Variants in ANGEL2 observed in about 807,000 individuals in gnomAD.
ANGEL2 encodes angel homolog 2.
Under a neutral mutation model 66.0 loss-of-function variants are expected in ANGEL2, and 41 were observed. The ratio of observed to expected loss-of-function variants is 0.62; its 90% CI spans 0.48 to 0.81. The LOEUF (loss-of-function observed/expected upper bound fraction) is 0.81, where lower values mean the gene tolerates loss of function less well. Ranked by LOEUF, ANGEL2 falls within the 30% of genes least tolerant of loss-of-function variation. The pLI, the probability that ANGEL2 is intolerant of heterozygous loss-of-function variation, is 0.00. For synonymous variants in ANGEL2, 208 were observed against 226.5 expected (o/e 0.92, Z 0.73); for missense variants, 561 against 641.6 (o/e 0.87, Z 1.36).
At position 213,007,282 on chromosome 1, in the gene ANGEL2, G is replaced by C. The variant is rs745916955; in HGVS notation, c.643-84C>G. On this transcript the variant is annotated intron_variant, in intron 3 of 8. Transcript: ENST00000366962. ...TGCTTTTATCTTAAAATATCTAAAAGCAGGCTTCTAAAATTCCACACCTGA... is the reference window on the plus strand; with the variant it reads ...TGCTTTTATCTTAAAATATCTAAAACCAGGCTTCTAAAATTCCACACCTGA... 5.6e-5 allele frequency: 62 copies of C among 1,114,054 alleles called. No individual in the cohort carries two copies. In the Middle Eastern group the frequency reaches 8.2e-4, roughly 15 times the overall value. 69.0% of individuals were successfully genotyped at this position (1,114,054 alleles called of 1,614,324 possible). A position where few individuals can be genotyped will look rare whatever the true frequency, so the allele number is the denominator to read the frequency against.
chr1:213,015,501 T>G (rs1376867006), intron 1 of ANGEL2, 112 bp downstream of exon 1: 1 of 1,508,470 alleles, frequency 6.6e-7, no homozygotes, highest in African/African-American at 1.4e-5. Context: ...CTCTTCCTCT[T>G]CCTTCCACCC....
In ANGEL2 at chr1:213,013,359, T is replaced by C. The variant is rs1167316311; in HGVS notation, c.119A>G (p.Glu40Gly). ...SLGRDWTTPWENLQRCCWNRH... is the reference protein window; with the variant it reads ...SLGRDWTTPWGNLQRCCWNRH... ...GTTCCAGCAACACCTTTGCAGATTCTCCCACGGTGTAGTCCAGTCTCTGCC... is the reference window on the plus strand; with the variant it reads ...GTTCCAGCAACACCTTTGCAGATTCCCCCACGGTGTAGTCCAGTCTCTGCC... Residue 40 changes from glutamate to glycine, a missense_variant, in exon 2 of 9, where the codon GAG becomes GGG. Transcript: ENST00000366962. 2 of 1,614,130 alleles carry C rather than the reference T, an allele frequency of 1.2e-6. No homozygotes were observed. The highest frequency in any genetic ancestry group is 1.7e-6 in the Non-Finnish European group (2 of 1,180,000).
chr1:213,015,038 A>C (rs915092335), intron 1 of ANGEL2: 1 of 889,418 alleles, frequency 1.1e-6, no homozygotes, highest in Admixed American at 6.2e-5. Context: ...TTTTAAAAAA[A>C]ACTGAGTCAA....
At chr1:212,999,534 G>A (rs1454402157) in intron 7 of ANGEL2, among the ~76,000 whole-genome samples, 1 of 151,908 alleles carries the variant, frequency 6.6e-6, no homozygotes, top group African/African-American at 2.4e-5. Flanking sequence ...CTCAAAACAA[G>A]GTATACAAAA....
chr1:213,015,476 A>T (rs1346832997), intron 1 of ANGEL2, 137 bp downstream of exon 1: 8 of 1,464,226 alleles, frequency 5.5e-6, no homozygotes, highest in Non-Finnish European at 7.2e-6. Flanking sequence ...TCCCGGATGC[A>T]CCATCGCCCA....
chr1:212,998,315 A>T (rs2076081987), intron 7 of ANGEL2, among the ~76,000 whole-genome samples: 1 of 151,666 alleles, frequency 6.6e-6, no homozygotes, highest in South Asian at 2.1e-4. Flanking sequence ...GGTAGGAGAA[A>T]GGCTTGAGCC....
In ANGEL2 at chr1:213,005,513, A is replaced by G. The variant is rs1266072582; in HGVS notation, c.713-59T>C. 4.2e-6 allele frequency: 6 copies of G among 1,439,580 alleles called. No individual in the cohort carries two copies. The Admixed American group carries it at 1.3e-4, about 31-fold the overall frequency. The allele number at this position is 1,439,580 out of a possible 1,614,324, so 89.2% of individuals were successfully genotyped here. On this transcript the variant is annotated intron_variant, in intron 4 of 8. Transcript: ENST00000366962. ...TGCTTTTATATATTTATCAAAACAC[A>G]GCTCACCTGATACTTCTGAACAATG... is the stretch of plus-strand genomic sequence containing the variant.
intron 2 of ANGEL2, among the ~76,000 whole-genome samples, chr1:213,012,042 T>A (rs1338548513): frequency 6.6e-6 from 1 of 152,222 alleles, no homozygotes; most frequent in Non-Finnish European, 1.5e-5. Context: ...TTTCTACAAG[T>A]GTTTTTTTCT....
In ANGEL2 at chr1:212,997,181, T is replaced by C; in HGVS notation, c.1457A>G (p.Glu486Gly). ...ITVDYIFYSA[E>G]KEDVAGHPGA... ...TGGGTGCCCAGCAACATCTTCCTTT[T>C]CTGCAGAGTAGAAAATATAATCCAC... Residue 486 changes from glutamate (E) to glycine (G), a missense_variant, in exon 8 of 9, where the codon GAA (glutamate) becomes GGA (glycine). Transcript: ENST00000366962. 6.2e-7 allele frequency: 1 copy of C among 1,613,570 alleles called. No individual in the cohort carries two copies.
intron 4 of ANGEL2, among the ~76,000 whole-genome samples, chr1:213,005,897 G>A (rs557582047): frequency 7.9e-5 from 12 of 151,966 alleles, no homozygotes; most frequent in Non-Finnish European, 1.3e-4. Context: ...TCTAGGCATC[G>A]CTTATTCCTT....
rs377719672 is a variant in ANGEL2 at position 213,013,471 on chromosome 1, T to C, written c.60-53A>G. 4.3e-5 allele frequency: 64 copies of C among 1,477,820 alleles called. No individual in the cohort carries two copies. In the East Asian group the frequency reaches 7.9e-4, roughly 18 times the overall value. 91.5% of individuals were successfully genotyped at this position (1,477,820 alleles called of 1,614,324 possible). ...GCACCACTTTTTGTTCAGCTATAGT[T>C]TACAAAATCTAAGCCTGTTTCCTCA... On this transcript the variant is annotated intron_variant, in intron 1 of 8. Coordinates refer to ENST00000366962, the MANE Select transcript of ANGEL2 (RefSeq NM_144567.5).
intron 8 of ANGEL2, 34 bp downstream of exon 8, chr1:212,997,121 T>G: frequency 1.9e-6 from 3 of 1,596,334 alleles, no homozygotes; most frequent in Non-Finnish European, 2.6e-6. Flanking sequence ...TACTGTGCTC[T>G]CTAGGAGAAT....
intron 8 of ANGEL2, 54 bp from the exon 9 acceptor site, chr1:212,995,246 AATTAATC>A (rs1457356709): frequency 6.7e-7 from 1 of 1,500,258 alleles, no homozygotes; most frequent in Admixed American, 2.1e-5. Flanking sequence ...GGTTATTGTA[AATTAATC>A]ATACAAGTCT....
rs2075945546 is a variant in ANGEL2 at position 212,994,453 on chromosome 1, G to C, written c.*588C>G. On this transcript the variant is annotated 3_prime_UTR_variant, in exon 9 of 9. Coordinates refer to ENST00000366962, the MANE Select transcript of ANGEL2 (RefSeq NM_144567.5). ...CAAACATTTCCCCAACACGATGCAG[G>C]CATATTACATGGCTCAGGACAGTAA... The C allele has an allele frequency of 6.6e-6, 1 of 152,090 alleles. No individual in the cohort carries two copies. The highest frequency in any genetic ancestry group is 1.5e-5 in the Non-Finnish European group (1 of 68,048). The allele number at this position is 152,090 out of a possible 1,614,324, so 9.4% of individuals were successfully genotyped here.
At chr1:213,000,965 G>A in intron 5 of ANGEL2, 53 bp from the exon 6 acceptor site, 8 of 1,551,870 alleles carry the variant, frequency 5.2e-6, no homozygotes, top group Non-Finnish European at 6.1e-6. Flanking sequence ...AATAGCTTAT[G>A]AGTTGAAAAA....
At position 213,000,824 on chromosome 1, in the gene ANGEL2, A is replaced by T; in HGVS notation, c.1223T>A (p.Val408Glu). 6.2e-7 allele frequency: 1 copy of T among 1,612,344 alleles called. No individual in the cohort carries two copies. Among genetic ancestry groups the T allele is most frequent in the East Asian group, 2.2e-5 (1 of 44,782 alleles). The change falls in exon 6 of 9, where the codon GTG (valine) becomes GAG (glutamate). Residue 408 changes from valine to glutamate, a missense_variant. Val to Glu is a moderately radical substitution (Grantham distance 121). Transcript: ENST00000366962. ...TTTTGGTACCTGCTGTACCTCATAC[A>T]CACAGTTCTGTGAGATACCTAGGTT... ...PPNLGISQNC[V>E]YEVQQVPKVE...
intron 2 of ANGEL2, chr1:213,011,234 T>C: frequency 7.8e-7 from 1 of 1,289,362 alleles, no homozygotes; most frequent in Non-Finnish European, 1.0e-6. Flanking sequence ...AACAAGGTGA[T>C]CACAGCAGAG....
rs1258588557 is a variant in ANGEL2 at position 212,993,375 on chromosome 1, T to C, written c.*1666A>G. ...TATTTAAACATATTCAATTACAATT[T>C]TTACTAGACAAATCTTATAATCCAC... On this transcript the variant is annotated 3_prime_UTR_variant, in exon 9 of 9. Transcript: ENST00000366962. The C allele has an allele frequency of 6.6e-6, 1 of 152,218 alleles. No individual in the cohort carries two copies. Among genetic ancestry groups the C allele is most frequent in the African/African-American group, 2.4e-5 (1 of 41,458 alleles). 9.4% of individuals were successfully genotyped at this position (152,218 alleles called of 1,614,324 possible). A position where few individuals can be genotyped will look rare whatever the true frequency, so the allele number is the denominator to read the frequency against.
intron 8 of ANGEL2, among the ~76,000 whole-genome samples, chr1:212,996,640 A>AAAAAAAATATAT (rs56102625): frequency 7.5e-5 from 5 of 66,466 alleles, no homozygotes; most frequent in Non-Finnish European, 7.3e-5. Flanking sequence ...AAAAAAAAAA[A>AAAAAAAATATAT]ATATATATAT....
Sources: gnomAD v4.1 joint callset for allele counts (sites outside exome capture counted in the v4.1 genomes callset) on GRCh38, gnomAD v4.1.1 for gene constraint, MANE v1.5 for transcripts, NCBI Gene and HGNC (gene_info 2026-07-23, HGNC 2026-07-21) for gene names.